HMBOX1: variants seen among roughly 807,000 people sequenced by gnomAD.
The protein encoded by HMBOX1 is homeobox containing 1, also known as homeobox-containing protein 1.
A neutral mutation model predicts 54.5 loss-of-function variants in HMBOX1; 14 were observed. The ratio of observed to expected loss-of-function variants is 0.26; its 90% CI spans 0.17 to 0.40. The LOEUF (loss-of-function observed/expected upper bound fraction) is 0.40, where lower values mean the gene tolerates loss of function less well. Ranked by LOEUF, HMBOX1 falls within the 10% of genes least tolerant of loss-of-function variation. The pLI is 1.00. For synonymous variants in HMBOX1, 160 were observed against 181.0 expected, an observed-to-expected ratio of 0.88 and a Z score of 0.93; for missense variants, 332 against 514.4, an observed-to-expected ratio of 0.65 and a Z score of 3.43.
At chr8:28,974,970 T>C (rs1336996376) in intron 3 of HMBOX1, among the ~76,000 whole-genome samples, 2 of 152,226 alleles carry the variant, frequency 1.3e-5, no homozygotes, top group South Asian at 2.1e-4. Flanking sequence ...TATTATTCTT[T>C]GTTCTAGAAA....
intron 6 of HMBOX1, among the ~76,000 whole-genome samples, chr8:29,021,410 G>A (rs960028805): frequency 6.6e-6 from 1 of 151,668 alleles, no homozygotes; most frequent in Non-Finnish European, 1.5e-5. Flanking sequence ...AACTTTGGAG[G>A]GAGTAAAAGC....
Position 28,918,435 on chromosome 8 carries a change from C to T in HMBOX1, c.-58+27757C>T, listed in dbSNP as rs952717080. ...AGCCAGGATGGTCTCAATCTCCTGA[C>T]CTTGTGATCCGCCTGCCTTGGCCTC... On this transcript the variant is annotated intron_variant, in intron 1 of 9. Transcript: ENST00000287701. Among the ~76,000 whole-genome samples, 25 of 151,480 alleles carry T rather than the reference C, an allele frequency of 1.7e-4. 1 individual carries two copies. The highest frequency in any genetic ancestry group is 7.2e-4 in the Admixed American group (11 of 15,216).
At chr8:28,914,347 G>C (rs996361293) in intron 1 of HMBOX1, among the ~76,000 whole-genome samples, 2 of 152,202 alleles carry the variant, frequency 1.3e-5, no homozygotes, top group Middle Eastern at 3.4e-3. Context: ...AGTAAAATCT[G>C]TATTTAGGAA....
intron 4 of HMBOX1, among the ~76,000 whole-genome samples, chr8:28,985,787 T>G (rs1830066875): frequency 6.6e-6 from 1 of 152,140 alleles, no homozygotes; most frequent in Non-Finnish European, 1.5e-5. Flanking sequence ...AAAGTTTCAG[T>G]ATATTAAGAA....
At chr8:28,929,361 G>A (rs1022649052) in intron 1 of HMBOX1, among the ~76,000 whole-genome samples, 4 of 152,174 alleles carry the variant, frequency 2.6e-5, no homozygotes, top group Non-Finnish European at 4.4e-5. Context: ...ATTGTGAGAA[G>A]GGAAGTGAGA....
At chr8:28,893,544 T>C (rs1811461963) in intron 1 of HMBOX1, among the ~76,000 whole-genome samples, 2 of 152,208 alleles carry the variant, frequency 1.3e-5, no homozygotes. Flanking sequence ...AGCTGGAAGT[T>C]GAATGCCTTT....
At chr8:29,003,249 A>G (rs1367900980) in intron 4 of HMBOX1, among the ~76,000 whole-genome samples, 1 of 151,962 alleles carries the variant, frequency 6.6e-6, no homozygotes, top group African/African-American at 2.4e-5. Flanking sequence ...ATTTGTCTGC[A>G]GAAGGTTGTA....
chr8:29,014,192 G>T (rs1320129260), intron 5 of HMBOX1, among the ~76,000 whole-genome samples: 1 of 151,952 alleles, frequency 6.6e-6, no homozygotes, highest in Non-Finnish European at 1.5e-5. Context: ...AAGAGTTTTG[G>T]GTTTTTTTTT....
rs1247775763 is a variant in HMBOX1, at chr8:28,985,794, A to G, written c.586+5638A>G. 2.0e-5 allele frequency among the ~76,000 whole-genome samples: 3 copies of G among 152,196 alleles called. No homozygotes were observed. The East Asian group carries it at 5.8e-4, about 29-fold the overall frequency. On this transcript the variant is annotated intron_variant, in intron 4 of 9. Transcript: ENST00000287701. ...AATCAACTAAAGTTTCAGTATATTA[A>G]GAAAAAATAAACAACAACAACCACT...
chr8:28,951,294 A>G (rs1166466735), intron 1 of HMBOX1, among the ~76,000 whole-genome samples: 1 of 152,062 alleles, frequency 6.6e-6, no homozygotes, highest in African/African-American at 2.4e-5. Flanking sequence ...CACTACGCCC[A>G]GCTAATTTTT....
intron 1 of HMBOX1, among the ~76,000 whole-genome samples, chr8:28,893,659 G>A (rs956287999): frequency 1.3e-5 from 2 of 152,096 alleles, no homozygotes; most frequent in African/African-American, 4.8e-5. Context: ...GTGTTCCTAA[G>A]TTACAAAATA....
intron 4 of HMBOX1, among the ~76,000 whole-genome samples, chr8:28,996,518 C>G (rs937044949): frequency 6.6e-6 from 1 of 152,090 alleles, no homozygotes; most frequent in Non-Finnish European, 1.5e-5. Context: ...ATTTGGGAGG[C>G]TGAGGAAGGA....
At chr8:28,925,677 A>G (rs991922071) in intron 1 of HMBOX1, among the ~76,000 whole-genome samples, 1 of 152,116 alleles carries the variant, frequency 6.6e-6, no homozygotes, top group African/African-American at 2.4e-5. Flanking sequence ...ACAAGTATCC[A>G]TCTATTCCAT....
intron 4 of HMBOX1, among the ~76,000 whole-genome samples, chr8:28,990,363 T>C (rs550189632): frequency 6.6e-6 from 1 of 152,276 alleles, no homozygotes; most frequent in South Asian, 2.1e-4. Context: ...AAAGCTTCTA[T>C]TTATAATTTT....
chr8:28,961,157 A>T (rs1825520492), intron 1 of HMBOX1, among the ~76,000 whole-genome samples: 1 of 152,160 alleles, frequency 6.6e-6, no homozygotes, highest in African/African-American at 2.4e-5. Flanking sequence ...CCATAAATTT[A>T]TATCCCTAAT....
chr8:28,945,285 A>G (rs1343841925), intron 1 of HMBOX1, among the ~76,000 whole-genome samples: 1 of 152,230 alleles, frequency 6.6e-6, no homozygotes. Flanking sequence ...AGAAGAGGAA[A>G]TGAGGGCTTA....
At chr8:28,947,514 A>T (rs1822684825) in intron 1 of HMBOX1, among the ~76,000 whole-genome samples, 1 of 152,200 alleles carries the variant, frequency 6.6e-6, no homozygotes, top group African/African-American at 2.4e-5. Context: ...CTGATGATGC[A>T]TCAAAGCTAG....
chr8:29,034,484 T>C (rs1028310810), intron 6 of HMBOX1, among the ~76,000 whole-genome samples: 2 of 152,252 alleles, frequency 1.3e-5, no homozygotes, highest in Non-Finnish European at 2.9e-5. Flanking sequence ...ATTGGTAAGA[T>C]AACTTTCCAG....
chr8:28,891,841 T>C (rs532153420), intron 1 of HMBOX1: 2 of 152,332 alleles, frequency 1.3e-5, no homozygotes, highest in South Asian at 4.1e-4. Flanking sequence ...CTATGTAAAG[T>C]TGAATGGTAT....
Sources: allele counts gnomAD v4.1 joint callset (sites outside exome capture counted in the v4.1 genomes callset), GRCh38; gene constraint gnomAD v4.1.1; transcripts MANE v1.5; gene names NCBI Gene and HGNC (gene_info 2026-07-23, HGNC 2026-07-21).